Variants in CCN5 observed in about 807,000 individuals in gnomAD.
CCN5 encodes CCN family member 5.
CCN5 carries 17 observed loss-of-function variants against 18.7 expected under a neutral mutation model. That is an observed-to-expected ratio of 0.91 (90% CI 0.62 to 1.36). The LOEUF is 1.36. CCN5 is among the 40% of genes most tolerant of loss of function. The probability of loss-of-function intolerance (pLI) is 0.00; values close to 1 mark genes in which losing one functional copy is unlikely to be tolerated. For missense variants in CCN5, 367 were observed against 342.9 expected (o/e 1.07, Z -0.56); for synonymous variants, 135 against 145.2 (o/e 0.93, Z 0.50).
chr20:44,718,705 C>T (rs1412471597), intron 1 of CCN5, among the ~76,000 whole-genome samples: 2 of 152,094 alleles, frequency 1.3e-5, no homozygotes, highest in Non-Finnish European at 1.5e-5. Context: ...GAAGCAGGAC[C>T]GGGGACGCTC....
At chr20:44,723,469 T>C (rs2065913806) in intron 2 of CCN5, among the ~76,000 whole-genome samples, 1 of 151,926 alleles carries the variant, frequency 6.6e-6, no homozygotes, top group East Asian at 2.0e-4. Context: ...GCCCCACAAG[T>C]GGGAGCCAGA....
At chr20:44,715,543 A>T in intron 1 of CCN5, 93 bp downstream of exon 1, 1 of 1,386,360 alleles carries the variant, frequency 7.2e-7, no homozygotes, top group Non-Finnish European at 9.9e-7. Flanking sequence ...CCCTTGGCAG[A>T]ATTCCTCCAG....
At chr20:44,726,749 C>T (rs942906) in intron 3 of CCN5, among the ~76,000 whole-genome samples, 7,418 of 152,176 alleles carry the variant, frequency 0.049, 599 homozygotes, top group East Asian at 0.2. Flanking sequence ...GCCAAAGCAC[C>T]ACTCCACACA....
chr20:44,727,105 T>G lies in CCN5; in HGVS notation c.551T>G (p.Leu184Arg). ...LPAQGPQFSG[L>R]VSSLPPGVPC... ...CCCCTAGGACCCCAGTTTTCTGGCCTTGTCTCTTCCCTGCCCCCTGGTGTC... is the reference window on the plus strand; with the variant it reads ...CCCCTAGGACCCCAGTTTTCTGGCCGTGTCTCTTCCCTGCCCCCTGGTGTC... The change falls in exon 4 of 4, where the codon CTT becomes CGT. Residue 184 changes from leucine to arginine, a missense_variant. Physicochemically the swap from Leu to Arg is moderately radical, Grantham distance 102. Coordinates refer to ENST00000190983, the MANE Select transcript of CCN5 (RefSeq NM_003881.4). The G allele has an allele frequency of 6.3e-7, 1 of 1,595,858 alleles. No individual in the cohort carries two copies. Among genetic ancestry groups the G allele is most frequent in the South Asian group, 1.1e-5 (1 of 88,650 alleles).
intron 3 of CCN5, among the ~76,000 whole-genome samples, chr20:44,725,369 CA>C (rs1015130145): frequency 6.6e-6 from 1 of 151,874 alleles, no homozygotes; most frequent in African/African-American, 2.4e-5. Context: ...ACCCGGGAGG[CA>C]GAGGTTGCAG....
chr20:44,717,900 G>GAAAGAA (rs950467149), intron 1 of CCN5, among the ~76,000 whole-genome samples: 8 of 147,210 alleles, frequency 5.4e-5, no homozygotes, highest in East Asian at 2.0e-4. Context: ...AAAAAAAAAA[G>GAAAGAA]AAAGAAAAAG....
upstream of CCN5, chr20:44,715,319 G>T: frequency 6.8e-6 from 10 of 1,477,408 alleles, no homozygotes; most frequent in Non-Finnish European, 9.2e-6. Context: ...GCCTGGGAGT[G>T]ACCTCACAGC....
intron 1 of CCN5, 79 bp downstream of exon 1, chr20:44,715,529 GACCC>G: frequency 1.4e-6 from 2 of 1,471,382 alleles, no homozygotes; most frequent in Non-Finnish European, 1.9e-6. Context: ...CGCAGCCAAG[GACCC>G]CCTTGGCAGA....
intron 2 of CCN5, among the ~76,000 whole-genome samples, chr20:44,722,260 C>T (rs577880692): frequency 1.9e-4 from 29 of 152,266 alleles, no homozygotes; most frequent in African/African-American, 6.0e-4. Context: ...ATCACTTACT[C>T]GTTGAACGCT....
chr20:44,715,401 C>T lies in CCN5; in HGVS notation c.11C>T (p.Thr4Ile), dbSNP rs1159913517. 1.1e-5 allele frequency: 17 copies of T among 1,603,136 alleles called. No individual in the cohort carries two copies. Among genetic ancestry groups the T allele is most frequent in the South Asian group, 2.2e-5 (2 of 88,934 alleles). Residue 4 changes from threonine to isoleucine, a missense_variant, in exon 1 of 4, where the codon ACA (threonine) becomes ATA (isoleucine). Coordinates refer to ENST00000190983, the MANE Select transcript of CCN5 (RefSeq NM_003881.4). MRG[T>I]PKTHLLAFSL... ...GGCTCTGCAGGGGACATGAGAGGCA[C>T]ACCGAAGACCCACCTCCTGGCCTTC...
At chr20:44,715,230 T>G, upstream of CCN5, 1 of 428,968 alleles carries the variant, frequency 2.3e-6, no homozygotes, top group Admixed American at 4.9e-5. Flanking sequence ...CTAGTGTGTT[T>G]GTGTGTGTGT....
chr20:44,717,891 A>AT (rs2065871082), intron 1 of CCN5, among the ~76,000 whole-genome samples: 1 of 151,712 alleles, frequency 6.6e-6, no homozygotes, highest in Non-Finnish European at 1.5e-5. Flanking sequence ...AAAAGAAAAA[A>AT]AAAAAAAAGA....
At position 44,724,966 on chromosome 20, in the gene CCN5, T is replaced by A; in HGVS notation, c.506T>A (p.Leu169Gln). Residue 169 changes from leucine (L) to glutamine (Q), a missense_variant, in exon 3 of 4, where the codon CTG (leucine) becomes CAG (glutamine). Coordinates refer to ENST00000190983, the MANE Select transcript of CCN5 (RefSeq NM_003881.4). ...TGGGTGTGCGGCCAAGGAGGGGGAC[T>A]GGGGACCCAGCCCCTTCCAGCCCAA... ...PEWVCGQGGG[L>Q]GTQPLPAQGP... The A allele has an allele frequency of 1.3e-6, 2 of 1,593,444 alleles. No homozygotes were observed. The highest frequency in any genetic ancestry group is 1.7e-6 in the Non-Finnish European group (2 of 1,170,922).
At chr20:44,719,332 G>A (rs528407846) in intron 1 of CCN5, among the ~76,000 whole-genome samples, 1 of 152,342 alleles carries the variant, frequency 6.6e-6, no homozygotes, top group East Asian at 1.9e-4. Flanking sequence ...CTTCCTCAAG[G>A]TCACTCAGCT....
At position 44,727,092 on chromosome 20, in the gene CCN5, C is replaced by T. The variant is rs775707486; in HGVS notation, c.538C>T (p.Gln180Ter). The part of the protein sequence containing the change: ...GTQPLPAQGP[Q>*]FSGLVSSLPP... ...TCTTGTTCTTTCCCCCCTAGGACCC[C>T]AGTTTTCTGGCCTTGTCTCTTCCCT... The change falls in exon 4 of 4, where the codon CAG (glutamine) becomes TAG (stop). Residue 180 changes from glutamine to a stop codon, truncating the protein, a stop_gained. Transcript: ENST00000190983. LOFTEE classifies it low-confidence loss of function (END_TRUNC). 1.1e-5 allele frequency: 17 copies of T among 1,582,926 alleles called. No individual in the cohort carries two copies. Among genetic ancestry groups the T allele is most frequent in the Non-Finnish European group, 9.5e-6 (11 of 1,162,012 alleles).
chr20:44,718,046 G>A (rs2065872420), intron 1 of CCN5, among the ~76,000 whole-genome samples: 1 of 152,158 alleles, frequency 6.6e-6, no homozygotes, highest in Non-Finnish European at 1.5e-5. Flanking sequence ...TGAGGGGCGA[G>A]GCTAGGCCAT....
In CCN5 at chr20:44,719,265, G is replaced by C. The variant is rs574545761; in HGVS notation, c.61-632G>C. Among the ~76,000 whole-genome samples, 6 of 152,254 alleles carry C rather than the reference G, an allele frequency of 3.9e-5. No homozygotes were observed. In the East Asian group the frequency reaches 1.2e-3, roughly 29 times the overall value. On this transcript the variant is annotated intron_variant, in intron 1 of 3. Transcript: ENST00000190983. ...TGTGCAGCATTTCATGTACTCCTCA[G>C]AGCAATCCTCTGAGTTAGATACTTT...
chr20:44,715,267 G>GTGTGAA, upstream of CCN5: 1 of 629,174 alleles, frequency 1.6e-6, no homozygotes, highest in African/African-American at 2.1e-5. Flanking sequence ...GTGTGAGCGC[G>GTGTGAA]CGCGCGCGCG....
intron 1 of CCN5, among the ~76,000 whole-genome samples, chr20:44,717,078 CTG>C (rs781087653): frequency 6.6e-6 from 1 of 152,132 alleles, no homozygotes; most frequent in Non-Finnish European, 1.5e-5. Context: ...CCTGGGGAAA[CTG>C]AGGCACAATG....
Sources: allele counts gnomAD v4.1 joint callset (sites outside exome capture counted in the v4.1 genomes callset), GRCh38; gene constraint gnomAD v4.1.1; transcripts MANE v1.5; gene names NCBI Gene and HGNC (gene_info 2026-07-23, HGNC 2026-07-21).